RBFOX1: variants seen among roughly 807,000 people sequenced by gnomAD.
The protein encoded by RBFOX1 is RNA binding protein fox-1 homolog 1.
A neutral mutation model predicts 57.7 loss-of-function variants in RBFOX1; 8 were observed. The observed-to-expected ratio is 0.14, with a 90% CI of 0.08 to 0.25. The LOEUF (loss-of-function observed/expected upper bound fraction) is 0.25, where lower values mean the gene tolerates loss of function less well. Ranked by LOEUF, RBFOX1 falls within the 10% of genes least tolerant of loss-of-function variation. The pLI is 1.00. For synonymous variants in RBFOX1, 326 were observed against 222.4 expected, an observed-to-expected ratio of 1.47 and a Z score of -4.15; for missense variants, 611 against 548.5, an observed-to-expected ratio of 1.11 and a Z score of -1.14.
intron 1 of RBFOX1, among the ~76,000 whole-genome samples, chr16:5,460,126 T>C (rs1376122998): frequency 2.0e-5 from 3 of 152,044 alleles, no homozygotes; most frequent in African/African-American, 7.3e-5. Flanking sequence ...AAAGTCGGCA[T>C]GTTTTTAGTG....
rs373388252 is a variant in RBFOX1, at chr16:6,348,100, G to T, written c.-64+31043G>T. Among the ~76,000 whole-genome samples, 21 of 152,248 alleles carry T rather than the reference G, an allele frequency of 1.4e-4. No homozygotes were observed. In the East Asian group the frequency reaches 2.3e-3, roughly 17 times the overall value. ...GGGGAAAGAGGCAGGAGTGCTCTGA[G>T]GGAGGTTATAGCTTTATGGGTTTGT... On this transcript the variant is annotated intron_variant, in intron 2 of 15. Coordinates refer to ENST00000550418, the MANE Select transcript of RBFOX1 (RefSeq NM_018723.4).
chr16:6,717,532 C>G (rs926455965), intron 3 of RBFOX1, among the ~76,000 whole-genome samples: 9 of 151,706 alleles, frequency 5.9e-5, no homozygotes, highest in Admixed American at 5.9e-4. Context: ...AAAAATTGTG[C>G]ATAGTCAACC....
intron 4 of RBFOX1, among the ~76,000 whole-genome samples, chr16:7,073,638 C>T (rs374527043): frequency 5.3e-5 from 8 of 151,978 alleles, no homozygotes; most frequent in African/African-American, 1.9e-4. Flanking sequence ...GAGCCCAAGA[C>T]TTCAAGACCG....
chr16:6,575,575 G>A (rs559859824), intron 2 of RBFOX1, among the ~76,000 whole-genome samples: 1 of 151,988 alleles, frequency 6.6e-6, no homozygotes, highest in Non-Finnish European at 1.5e-5. Context: ...GATTAATAAA[G>A]GGCTAGGCAC....
chr16:5,421,885 G>C (rs1159848560), intron 1 of RBFOX1, among the ~76,000 whole-genome samples: 3 of 152,144 alleles, frequency 2.0e-5, no homozygotes, highest in African/African-American at 7.2e-5. Context: ...CTCGTGGTTA[G>C]GGACATGAAA....
At chr16:6,203,634 G>A (rs547496491) in intron 1 of RBFOX1, among the ~76,000 whole-genome samples, 1 of 152,246 alleles carries the variant, frequency 6.6e-6, no homozygotes, top group South Asian at 2.1e-4. Context: ...ACAACAGGAG[G>A]TCACCGCACA....
At chr16:7,080,373 T>A (rs980883241) in intron 4 of RBFOX1, among the ~76,000 whole-genome samples, 1 of 152,210 alleles carries the variant, frequency 6.6e-6, no homozygotes, top group Non-Finnish European at 1.5e-5. Context: ...TCCTAAATCC[T>A]AGCAACAAGT....
At chr16:5,956,302 G>A (rs1193397801) in intron 4 of RBFOX1, among the ~76,000 whole-genome samples, 1 of 151,920 alleles carries the variant, frequency 6.6e-6, no homozygotes, top group Non-Finnish European at 1.5e-5. Context: ...AACTAAATAT[G>A]TATTAAGCCC....
At chr16:7,146,472 A>C (rs1197182987) in intron 4 of RBFOX1, among the ~76,000 whole-genome samples, 1 of 152,192 alleles carries the variant, frequency 6.6e-6, no homozygotes, top group Non-Finnish European at 1.5e-5. Flanking sequence ...GACGATGAAC[A>C]AAGGTGGTCT....
At chr16:5,435,492 C>T (rs1438668334) in intron 1 of RBFOX1, among the ~76,000 whole-genome samples, 2 of 152,198 alleles carry the variant, frequency 1.3e-5, no homozygotes, top group Non-Finnish European at 2.9e-5. Context: ...ACTACGATCC[C>T]TGGATCTCCC....
At chr16:6,799,823 C>T (rs532737786) in intron 3 of RBFOX1, among the ~76,000 whole-genome samples, 9 of 152,182 alleles carry the variant, frequency 5.9e-5, no homozygotes, top group South Asian at 4.2e-4. Context: ...GGACTTTAGC[C>T]ACAGACTGAA....
chr16:6,954,941 A>C (rs770179577), intron 3 of RBFOX1, among the ~76,000 whole-genome samples: 2 of 152,096 alleles, frequency 1.3e-5, no homozygotes, highest in African/African-American at 4.8e-5. Flanking sequence ...CATCAAATTT[A>C]ATATGAAGGC....
chr16:5,422,880 G>T (rs2067389827), intron 1 of RBFOX1, among the ~76,000 whole-genome samples: 1 of 132,734 alleles, frequency 7.5e-6, no homozygotes. Context: ...AAGATGAGTA[G>T]GGAGTGGGAG....
At chr16:7,266,939 C>CA (rs1306662388) in intron 4 of RBFOX1, among the ~76,000 whole-genome samples, 1 of 151,768 alleles carries the variant, frequency 6.6e-6, no homozygotes, top group African/African-American at 2.4e-5. Flanking sequence ...GAAGACTGAG[C>CA]AATAGGGAGA....
chr16:6,553,253 A>T (rs985781171), intron 2 of RBFOX1, among the ~76,000 whole-genome samples: 1 of 152,216 alleles, frequency 6.6e-6, no homozygotes, highest in African/African-American at 2.4e-5. Flanking sequence ...ACTATAAATC[A>T]ATAGTTTCCA....
At chr16:6,188,842 G>A (rs548705039) in intron 1 of RBFOX1, among the ~76,000 whole-genome samples, 27 of 152,288 alleles carry the variant, frequency 1.8e-4, no homozygotes, top group African/African-American at 6.3e-4. Flanking sequence ...TTAGCCAGGT[G>A]TATCAGTTTT....
intron 3 of RBFOX1, among the ~76,000 whole-genome samples, chr16:6,780,565 T>C (rs1193001830): frequency 4.3e-5 from 5 of 116,962 alleles, no homozygotes; most frequent in Non-Finnish European, 8.0e-5. Context: ...TACATATTTA[T>C]ATATATTTAT....
chr16:5,694,851 A>G (rs2050799852), intron 3 of RBFOX1, among the ~76,000 whole-genome samples: 1 of 151,686 alleles, frequency 6.6e-6, no homozygotes, highest in Non-Finnish European at 1.5e-5. Flanking sequence ...GGGAGATGGT[A>G]GAAGAGAACA....
intron 2 of RBFOX1, among the ~76,000 whole-genome samples, chr16:6,481,785 C>G (rs1242785506): frequency 1.3e-5 from 2 of 152,128 alleles, no homozygotes; most frequent in Admixed American, 6.5e-5. Context: ...TTATGGTTAT[C>G]TCAGCATCCG....
Sources: allele counts gnomAD v4.1 joint callset (sites outside exome capture counted in the v4.1 genomes callset), GRCh38; gene constraint gnomAD v4.1.1; transcripts MANE v1.5; gene names NCBI Gene and HGNC (gene_info 2026-07-23, HGNC 2026-07-21).